Variants in DSE observed in about 807,000 individuals in gnomAD.
The protein encoded by DSE is dermatan sulfate epimerase, also known as dermatan-sulfate epimerase.
Under a neutral mutation model 84.4 loss-of-function variants are expected in DSE, and 36 were observed. That is an observed-to-expected ratio of 0.43 (90% CI 0.33 to 0.56). The LOEUF is 0.56. Ranked by LOEUF, DSE falls within the 20% of genes least tolerant of loss-of-function variation. The pLI, the probability that DSE is intolerant of heterozygous loss-of-function variation, is 0.06. For synonymous variants in DSE, 410 were observed against 430.1 expected (o/e 0.95, Z 0.58); for missense variants, 862 against 1,169.6 (o/e 0.74, Z 3.84).
intron 2 of DSE, among the ~76,000 whole-genome samples, chr6:116,320,346 T>C (rs1776227264): frequency 6.6e-6 from 1 of 150,890 alleles, no homozygotes; most frequent in Non-Finnish European, 1.5e-5. Context: ...TTGGTAAAAA[T>C]GAGATTTTCT....
At chr6:116,254,219 C>T (rs1646440089) in exon 1 of DSE, 1 of 713,594 alleles carries the variant, frequency 1.4e-6, no homozygotes, top group East Asian at 2.7e-5. Flanking sequence ...CCTTTGTCTT[C>T]TTGTCACAAA....
rs565622370 is a variant in DSE at position 116,348,455 on chromosome 6, A to C, written c.-53-50743A>C. Among the ~76,000 whole-genome samples, 958 of 151,462 alleles carry C rather than the reference A, an allele frequency of 6.3e-3. 12 individuals are homozygous for C. The highest frequency in any genetic ancestry group is 0.021 in the African/African-American group (879 of 41,352). On this transcript the variant is annotated intron_variant, in intron 2 of 3. Coordinates refer to the DSE transcript ENST00000430252. ...AAAAACAAAAAAAAACAAAAAAAAA[A>C]CCCCAAAAGTCAGGAAACAACAGGT...
intron 2 of DSE, among the ~76,000 whole-genome samples, chr6:116,315,329 G>GAT (rs67864536): frequency 0.077 from 11,318 of 147,514 alleles, 437 homozygotes; most frequent in East Asian, 0.19. Flanking sequence ...CACCTTCTGA[G>GAT]ATATATATAT....
intron 2 of DSE, among the ~76,000 whole-genome samples, chr6:116,337,308 T>G (rs1583041554): frequency 6.6e-6 from 1 of 152,212 alleles, no homozygotes; most frequent in African/African-American, 2.4e-5. Context: ...AGTATCATTA[T>G]TTGTCATTTA....
At chr6:116,332,973 T>C (rs756626705) in intron 2 of DSE, among the ~76,000 whole-genome samples, 4 of 152,218 alleles carry the variant, frequency 2.6e-5, no homozygotes, top group Non-Finnish European at 4.4e-5. Context: ...ACCACAGTTA[T>C]ATACCATCAG....
chr6:116,376,648 G>GTA (rs1425222838), intron 1 of DSE, among the ~76,000 whole-genome samples: 9 of 152,152 alleles, frequency 5.9e-5, no homozygotes, highest in Non-Finnish European at 1.2e-4. Flanking sequence ...CATGATTTTG[G>GTA]TAGTGTTATC....
At chr6:116,403,841 A>G (rs925717838) in intron 2 of DSE, among the ~76,000 whole-genome samples, 2 of 152,192 alleles carry the variant, frequency 1.3e-5, no homozygotes, top group African/African-American at 4.8e-5. Context: ...CAGTGTACGT[A>G]TGATGAATTG....
intron 2 of DSE, among the ~76,000 whole-genome samples, chr6:116,298,245 A>G (rs560952709): frequency 6.6e-6 from 1 of 152,194 alleles, no homozygotes. Context: ...TCCATGTTCT[A>G]GTCTTCATAA....
In DSE at chr6:116,427,307, T is replaced by C. The variant is rs983063385; in HGVS notation, c.670+480T>C. 2.0e-5 allele frequency among the ~76,000 whole-genome samples: 3 copies of C among 152,226 alleles called. No homozygotes were observed. In the East Asian group the frequency reaches 5.8e-4, roughly 29 times the overall value. On this transcript the variant is annotated intron_variant, in intron 3 of 5. Transcript: ENST00000644252. ...CCAAATTGGAAGCAATTTTTGTGGA[T>C]TGTGTAGCTACTTTGCTTTAACATA...
chr6:116,350,221 C>T (rs763495024), intron 2 of DSE, among the ~76,000 whole-genome samples: 1 of 152,046 alleles, frequency 6.6e-6, no homozygotes, highest in African/African-American at 2.4e-5. Context: ...CAGGCCATTT[C>T]GTATGCCTTA....
chr6:116,405,082 A>G (rs1465986501), intron 2 of DSE, among the ~76,000 whole-genome samples: 1 of 151,908 alleles, frequency 6.6e-6, no homozygotes, highest in African/African-American at 2.4e-5. Flanking sequence ...TTGCAAAAAT[A>G]AAATATAATT....
Position 116,371,129 on chromosome 6 carries a change from G to A in DSE, c.-54+8G>A, listed in dbSNP as rs1779524460. On this transcript the variant is annotated splice_region_variant and intron_variant, in intron 1 of 5. Transcript: ENST00000644252. ...AAGCCTCGGCTGGGAGCGGTAAGTG[G>A]AGGGGCGCGCAAGGGACGAGCTGGG... The A allele has an allele frequency of 2.0e-6, 2 of 986,262 alleles. No individual in the cohort carries two copies. The highest frequency in any genetic ancestry group is 2.4e-6 in the Non-Finnish European group (2 of 830,636). 61.1% of individuals were successfully genotyped at this position (986,262 alleles called of 1,614,324 possible). A position where few individuals can be genotyped will look rare whatever the true frequency, so the allele number is the denominator to read the frequency against.
intron 1 of DSE, among the ~76,000 whole-genome samples, chr6:116,382,279 C>T (rs1481841511): frequency 6.6e-6 from 1 of 152,066 alleles, no homozygotes; most frequent in Non-Finnish European, 1.5e-5. Flanking sequence ...TCAGATATTT[C>T]GAGCCTACCA....
At chr6:116,414,790 A>G (rs1782593570) in intron 2 of DSE, among the ~76,000 whole-genome samples, 1 of 152,236 alleles carries the variant, frequency 6.6e-6, no homozygotes, top group Non-Finnish European at 1.5e-5. Context: ...CAATGTGTGT[A>G]CAACTCTTTG....
intron 4 of DSE, chr6:116,433,053 A>G (rs962768678): frequency 2.5e-6 from 1 of 401,694 alleles, no homozygotes; most frequent in African/African-American, 2.0e-5. Context: ...CACGTATAGC[A>G]TGAACATTGG....
At chr6:116,260,267 T>A (rs9488880) in intron 2 of DSE, among the ~76,000 whole-genome samples, 3,686 of 152,290 alleles carry the variant, frequency 0.024, 144 homozygotes, top group African/African-American at 0.083. Context: ...ACATGAATAT[T>A]GGCTGCATGT....
rs537468383 is a variant in DSE at position 116,348,719 on chromosome 6, C to G, written c.-53-50479C>G. Among the ~76,000 whole-genome samples the G allele has an allele frequency of 5.3e-5, 8 of 152,278 alleles. No individual in the cohort carries two copies. In the East Asian group the frequency reaches 1.4e-3, roughly 26 times the overall value. On this transcript the variant is annotated intron_variant, in intron 2 of 3. Transcript: ENST00000430252. ...TATTCACGATAGCAAAGACTTGGAA[C>G]CAACCCAAATGTCCATCAATGATAG... is the stretch of plus-strand genomic sequence containing the variant.
chr6:116,267,442 T>TAA (rs558541993), intron 2 of DSE, among the ~76,000 whole-genome samples: 5 of 148,842 alleles, frequency 3.4e-5, no homozygotes, highest in African/African-American at 1.2e-4. Flanking sequence ...TTTAAAAAGT[T>TAA]GAAAAAAAAG....
Position 116,436,615 on chromosome 6 carries a change from G to A in DSE, c.2147G>A (p.Arg716His), listed in dbSNP as rs549153887. 26 of 1,614,110 alleles carry A rather than the reference G, an allele frequency of 1.6e-5. No homozygotes were observed. Among genetic ancestry groups the A allele is most frequent in the South Asian group, 1.2e-4 (11 of 91,074 alleles). Residue 716 changes from arginine (R) to histidine (H), a missense_variant, in exon 6 of 6, where the codon CGT becomes CAT. Around this residue, in one of 4 missense-constraint regions of DSE, gnomAD observed 315 missense variants for 348.1 expected, o/e 0.90. Coordinates refer to ENST00000644252, the MANE Select transcript of DSE (RefSeq NM_013352.4). ...QSAFAQVIAD[R>H]HKILFDRNSA... ...GCCTTTGCACAGGTCATTGCTGATC[G>A]TCACAAAATTCTGTTTGACCGGAAT... is the stretch of plus-strand genomic sequence containing the variant.
Sources: gnomAD v4.1 joint callset for allele counts (sites outside exome capture counted in the v4.1 genomes callset) on GRCh38, gnomAD v4.1.1 for gene constraint, gnomAD v4.1.1 regional missense constraint, MANE v1.5 for transcripts, NCBI Gene and HGNC (gene_info 2026-07-23, HGNC 2026-07-21) for gene names.